CAPRIN2: variants seen among roughly 807,000 people sequenced by gnomAD.
CAPRIN2 encodes the protein caprin-2.
In CAPRIN2, 66 loss-of-function variants were observed where a neutral mutation model predicts 130.4. The ratio of observed to expected loss-of-function variants is 0.51; its 90% confidence interval spans 0.42 to 0.62. The LOEUF (loss-of-function observed/expected upper bound fraction) is 0.62, where lower values mean the gene tolerates loss of function less well. Among genes scored for constraint, CAPRIN2 ranks in the 20% least tolerant of loss-of-function variants. The pLI is 0.00. For missense variants in CAPRIN2, 1,185 were observed against 1,246.6 expected (o/e 0.95, Z 0.74); for synonymous variants, 471 against 444.1 (o/e 1.06, Z -0.76).
At chr12:30,742,465 A>C (rs922612077) in intron 2 of CAPRIN2, among the ~76,000 whole-genome samples, 1 of 152,108 alleles carries the variant, frequency 6.6e-6, no homozygotes, top group East Asian at 1.9e-4. Flanking sequence ...TAACACCTAA[A>C]AGATTCCTCA....
chr12:30,753,301 C>CT (rs2074877705), intron 1 of CAPRIN2, 43 bp downstream of exon 2: 1 of 1,499,870 alleles, frequency 6.7e-7, no homozygotes, highest in Non-Finnish European at 9.0e-7. Context: ...GCTCCTTAAT[C>CT]TTTAAGATCA....
intron 14 of CAPRIN2, 97 bp downstream of exon 16, chr12:30,714,862 A>T: frequency 1.1e-6 from 1 of 949,666 alleles, no homozygotes; most frequent in Non-Finnish European, 1.6e-6. Flanking sequence ...CTACGTTGCA[A>T]ATGACAAAAG....
intron 12 of CAPRIN2, among the ~76,000 whole-genome samples, chr12:30,717,916 A>C (rs2136774870): frequency 6.6e-6 from 1 of 152,306 alleles, no homozygotes; most frequent in African/African-American, 2.4e-5. Context: ...TAAAATGTTA[A>C]GTTTCCTGAG....
intron 2 of CAPRIN2, among the ~76,000 whole-genome samples, chr12:30,748,686 C>T (rs961397716): frequency 1.3e-5 from 2 of 152,040 alleles, no homozygotes; most frequent in Admixed American, 6.6e-5. Context: ...TCTGACTTAT[C>T]TGCATTTTCT....
chr12:30,716,938 A>G (rs922029344), intron 12 of CAPRIN2, among the ~76,000 whole-genome samples: 54 of 152,240 alleles, frequency 3.5e-4, no homozygotes, highest in African/African-American at 1.3e-3. Flanking sequence ...AAGACAGAAA[A>G]TAAGTGTTGG....
chr12:30,713,917 G>A lies in CAPRIN2; in HGVS notation c.2501-32C>T, dbSNP rs760853572. ...AATAAACAAACTTACATAAGATTAT[G>A]GACAAAATCATATTAAACTTTTAAA... On this transcript the variant is annotated intron_variant, in intron 14 of 16. Transcript: ENST00000298892. 6.4e-6 allele frequency: 8 copies of A among 1,259,526 alleles called. No homozygotes were observed. In the East Asian group the frequency reaches 1.2e-4, roughly 18 times the overall value. 78.0% of individuals were successfully genotyped at this position (1,259,526 alleles called of 1,614,324 possible). A position where few individuals can be genotyped will look rare whatever the true frequency, so the allele number is the denominator to read the frequency against.
chr12:30,715,070 C>T (rs376100214), exon 14 of CAPRIN2: 11 of 1,613,814 alleles, frequency 6.8e-6, no homozygotes, highest in African/African-American at 4.0e-5. Flanking sequence ...CTGGGAAACA[C>T]ATTCGTCTGT....
Sources: allele counts gnomAD v4.1 joint callset (sites outside exome capture counted in the v4.1 genomes callset), GRCh38; gene constraint gnomAD v4.1.1; transcripts MANE v1.5; gene names NCBI Gene and HGNC (gene_info 2026-07-23, HGNC 2026-07-21).